DLG2: variants seen among roughly 807,000 people sequenced by gnomAD.
DLG2 encodes disks large homolog 2.
A neutral mutation model predicts 132.5 loss-of-function variants in DLG2; 45 were observed. The observed-to-expected ratio is 0.34, with a 90% CI of 0.27 to 0.44. The LOEUF is 0.44. DLG2 is among the 20% of genes least tolerant of loss of function. The probability of loss-of-function intolerance (pLI) is 1.00; values close to 1 mark genes in which losing one functional copy is unlikely to be tolerated. For synonymous variants in DLG2, 424 were observed against 419.6 expected, an observed-to-expected ratio of 1.01 and a Z score of -0.13; for missense variants, 1,045 against 1,196.9, an observed-to-expected ratio of 0.87 and a Z score of 1.87.
intron 19 of DLG2, among the ~76,000 whole-genome samples, chr11:83,608,104 T>C (rs1217546540): frequency 6.6e-6 from 1 of 151,672 alleles, no homozygotes; most frequent in Non-Finnish European, 1.5e-5. Flanking sequence ...TTTCAGTGTA[T>C]ATACAGATGC....
At chr11:84,985,512 T>A (rs894437884) in intron 6 of DLG2, among the ~76,000 whole-genome samples, 1 of 151,756 alleles carries the variant, frequency 6.6e-6, no homozygotes, top group East Asian at 1.9e-4. Flanking sequence ...CCTAAACGAC[T>A]ACATCAAAAA....
intron 19 of DLG2, among the ~76,000 whole-genome samples, chr11:83,627,925 A>G (rs2062882716): frequency 6.6e-6 from 1 of 152,138 alleles, no homozygotes; most frequent in African/African-American, 2.4e-5. Flanking sequence ...ATGAGATGGT[A>G]TCTTATTGTG....
chr11:84,586,288 G>T (rs1390097750), intron 6 of DLG2, among the ~76,000 whole-genome samples: 1 of 151,942 alleles, frequency 6.6e-6, no homozygotes, highest in Non-Finnish European at 1.5e-5. Context: ...GTATATTTAT[G>T]AAATAAGCAT....
intron 18 of DLG2, among the ~76,000 whole-genome samples, chr11:83,642,387 C>T (rs2066841536): frequency 6.6e-6 from 1 of 152,254 alleles, no homozygotes; most frequent in Admixed American, 6.5e-5. Flanking sequence ...TCTCTGTTTT[C>T]AGATAGAATT....
chr11:84,252,140 CTTTTTT>C (rs1176873990), intron 7 of DLG2, among the ~76,000 whole-genome samples: 4 of 65,336 alleles, frequency 6.1e-5, no homozygotes, highest in Admixed American at 2.1e-4. Flanking sequence ...TTCTTTCTTT[CTTTTTT>C]TTTTTTTTTT....
At chr11:83,726,061 A>C (rs1399997971) in intron 18 of DLG2, among the ~76,000 whole-genome samples, 1 of 152,194 alleles carries the variant, frequency 6.6e-6, no homozygotes, top group Non-Finnish European at 1.5e-5. Context: ...ATAGGAGTCA[A>C]TCAAGCTCAC....
At chr11:83,707,410 C>T (rs2084285923) in intron 18 of DLG2, among the ~76,000 whole-genome samples, 1 of 152,234 alleles carries the variant, frequency 6.6e-6, no homozygotes, top group Non-Finnish European at 1.5e-5. Context: ...TGGCTTACGC[C>T]TATAATCCCA....
At position 84,490,313 on chromosome 11, in the gene DLG2, A is replaced by G. The variant is rs190928400; in HGVS notation, c.519+44257T>C. Among the ~76,000 whole-genome samples, 74 of 152,288 alleles carry G rather than the reference A, an allele frequency of 4.9e-4. 1 individual carries two copies. In the East Asian group the frequency reaches 0.013, roughly 27 times the overall value. On this transcript the variant is annotated intron_variant, in intron 7 of 27. Coordinates refer to ENST00000376104, the MANE Select transcript of DLG2 (RefSeq NM_001142699.3). ...AATGGAAATGCTTTAATACAGTTGG[A>G]GGTATGCTTTTACAAGTTCCTTTAA...
intron 6 of DLG2, among the ~76,000 whole-genome samples, chr11:85,044,608 G>T (rs912159467): frequency 1.3e-5 from 2 of 151,940 alleles, no homozygotes; most frequent in African/African-American, 4.8e-5. Context: ...AGTTACTTTG[G>T]ATACAATCAT....
At chr11:85,410,904 T>C (rs2089253784) in intron 3 of DLG2, among the ~76,000 whole-genome samples, 1 of 151,844 alleles carries the variant, frequency 6.6e-6, no homozygotes, top group Admixed American at 6.6e-5. Context: ...CTCATTATTG[T>C]CACTCTTTGC....
chr11:85,334,622 A>G (rs2082001432), intron 3 of DLG2, among the ~76,000 whole-genome samples: 1 of 151,698 alleles, frequency 6.6e-6, no homozygotes, highest in Admixed American at 6.6e-5. Flanking sequence ...AGATTTTGGT[A>G]TATCTTTTTT....
At chr11:84,855,752 C>T (rs1260967855) in intron 6 of DLG2, among the ~76,000 whole-genome samples, 1 of 152,010 alleles carries the variant, frequency 6.6e-6, no homozygotes, top group Non-Finnish European at 1.5e-5. Flanking sequence ...AGTGACTGTT[C>T]TGAATAAATT....
chr11:84,028,447 A>G (rs2095601283), intron 11 of DLG2, among the ~76,000 whole-genome samples: 1 of 151,782 alleles, frequency 6.6e-6, no homozygotes, highest in Non-Finnish European at 1.5e-5. Flanking sequence ...TCAAAGTGAA[A>G]CTCTGTAACA....
chr11:84,970,966 T>G (rs759598597), intron 6 of DLG2, among the ~76,000 whole-genome samples: 1 of 152,162 alleles, frequency 6.6e-6, no homozygotes, highest in Non-Finnish European at 1.5e-5. Context: ...CTAAGATGCA[T>G]GAGAATTGTA....
intron 6 of DLG2, among the ~76,000 whole-genome samples, chr11:84,566,111 A>G (rs1383975392): frequency 6.6e-6 from 1 of 151,932 alleles, no homozygotes; most frequent in Admixed American, 6.6e-5. Context: ...GCAGCACTCA[A>G]CCACGCCCAG....
intron 10 of DLG2, among the ~76,000 whole-genome samples, chr11:84,075,440 G>C (rs1203546140): frequency 6.6e-6 from 1 of 152,130 alleles, no homozygotes; most frequent in Non-Finnish European, 1.5e-5. Context: ...AATAAAAAAT[G>C]AATTATTCAA....
At position 83,938,862 on chromosome 11, in the gene DLG2, G is replaced by C. The variant is rs572389239; in HGVS notation, c.1341-8379C>G. 5.3e-5 allele frequency among the ~76,000 whole-genome samples: 8 copies of C among 152,312 alleles called. No individual in the cohort carries two copies. The South Asian group carries it at 1.7e-3, about 32-fold the overall frequency. On this transcript the variant is annotated intron_variant, in intron 14 of 27. Coordinates refer to ENST00000376104, the MANE Select transcript of DLG2 (RefSeq NM_001142699.3). ...AATACGGAAGAGTGAGATCTAAGGA[G>C]CTGGATCTCTACAGCTTTCCCTTCA...
chr11:83,876,719 T>C (rs994194068), intron 15 of DLG2, among the ~76,000 whole-genome samples: 1 of 152,138 alleles, frequency 6.6e-6, no homozygotes, highest in Non-Finnish European at 1.5e-5. Context: ...AACTAAAGCC[T>C]ACCTTATCAC....
intron 3 of DLG2, among the ~76,000 whole-genome samples, chr11:85,543,984 T>C (rs1214128945): frequency 6.6e-6 from 1 of 152,202 alleles, no homozygotes; most frequent in East Asian, 1.9e-4. Flanking sequence ...GCAGAAGCTC[T>C]TTAGTATAAT....
Sources: gnomAD v4.1 joint callset for allele counts (sites outside exome capture counted in the v4.1 genomes callset) on GRCh38, gnomAD v4.1.1 for gene constraint, MANE v1.5 for transcripts, NCBI Gene and HGNC (gene_info 2026-07-23, HGNC 2026-07-21) for gene names.